Variants in COL23A1 observed in about 807,000 individuals in gnomAD.
COL23A1 encodes the protein collagen type XXIII alpha 1 chain, also known as collagen alpha-1(XXIII) chain.
A neutral mutation model predicts 99.3 loss-of-function variants in COL23A1; 97 were observed. That is an observed-to-expected ratio of 0.98 (90% confidence interval 0.83 to 1.16). COL23A1 has a LOEUF of 1.16. Ranked by LOEUF, COL23A1 falls within the 50% of genes most tolerant of loss-of-function variation. The probability of loss-of-function intolerance (pLI) is 0.00; values close to 1 mark genes in which losing one functional copy is unlikely to be tolerated. For missense variants in COL23A1, 762 were observed against 757.4 expected (o/e 1.01, Z -0.07); for synonymous variants, 320 against 308.2 (o/e 1.04, Z -0.40).
chr5:178,429,045 C>A (rs994854575), intron 2 of COL23A1, among the ~76,000 whole-genome samples: 3 of 152,152 alleles, frequency 2.0e-5, no homozygotes, highest in African/African-American at 7.2e-5. Context: ...CTGGGGCACG[C>A]GACTGCTCTG....
rs879462153 is a variant in COL23A1, at chr5:178,308,675, A to G, written c.362-1756T>C. ...CACGTGCTTGTCCCACCAGCATCTC[A>G]GACCAGTTGTGGCCCAAACACCTGC... On this transcript the variant is annotated intron_variant, in intron 2 of 28. Transcript: ENST00000390654. The surrounding 1 kb of genome is among the most constrained non-coding windows in gnomAD (Gnocchi z 5.1). 1.3e-5 allele frequency among the ~76,000 whole-genome samples: 2 copies of G among 152,192 alleles called. No individual in the cohort carries two copies. Among genetic ancestry groups the G allele is most frequent in the Admixed American group, 1.3e-4 (2 of 15,274 alleles).
intron 2 of COL23A1, among the ~76,000 whole-genome samples, chr5:178,447,218 C>T (rs6874268): frequency 0.027 from 4,125 of 151,922 alleles, 175 homozygotes; most frequent in African/African-American, 0.091. Context: ...CTCAGCCTCC[C>T]GAGTAGCTGG....
At chr5:178,425,879 C>T (rs1293625459) in intron 2 of COL23A1, among the ~76,000 whole-genome samples, 1 of 152,250 alleles carries the variant, frequency 6.6e-6, no homozygotes, top group African/African-American at 2.4e-5. Flanking sequence ...GCATCTTCTG[C>T]TACTGCCTGC....
intron 3 of COL23A1, among the ~76,000 whole-genome samples, chr5:178,296,135 C>A (rs561243899): frequency 6.6e-6 from 1 of 152,354 alleles, no homozygotes; most frequent in African/African-American, 2.4e-5. Flanking sequence ...CTTTTGCTGC[C>A]TTTCCTCACA....
chr5:178,447,450 G>C lies in COL23A1; in HGVS notation c.361+113232C>G, dbSNP rs527824126. Among the ~76,000 whole-genome samples, 3 of 152,314 alleles carry C rather than the reference G, an allele frequency of 2.0e-5. No individual in the cohort carries two copies. The South Asian group carries it at 6.2e-4, about 32-fold the overall frequency. ...CGCATATACGGCAGTGGTCCCTTAA[G>C]ATTATAATACCATATTTTTACTGCA... On this transcript the variant is annotated intron_variant, in intron 2 of 28. Coordinates refer to ENST00000390654, the MANE Select transcript of COL23A1 (RefSeq NM_173465.4).
intron 2 of COL23A1, among the ~76,000 whole-genome samples, chr5:178,495,651 T>C (rs752315217): frequency 6.6e-6 from 1 of 151,414 alleles, no homozygotes; most frequent in Non-Finnish European, 1.5e-5. Flanking sequence ...TGGAAGAAGC[T>C]GGTCAAGGAG....
In COL23A1 at chr5:178,251,338, G is replaced by A. The variant is rs1375698955; in HGVS notation, c.1014+1206C>T. Reference sequence around the variant, plus strand: ...GCCCGGCCGCAAGATAATTAAATAAGAAATTAATAAAATATCTGGTCAGCT... The same window carrying A: ...GCCCGGCCGCAAGATAATTAAATAAAAAATTAATAAAATATCTGGTCAGCT... On this transcript the variant is annotated intron_variant, in intron 17 of 28. Transcript: ENST00000390654. 2.0e-5 allele frequency among the ~76,000 whole-genome samples: 3 copies of A among 151,798 alleles called. No homozygotes were observed. In the East Asian group the frequency reaches 5.8e-4, roughly 29 times the overall value.
At chr5:178,372,445 G>T (rs547718636) in intron 2 of COL23A1, among the ~76,000 whole-genome samples, 1 of 152,206 alleles carries the variant, frequency 6.6e-6, no homozygotes, top group African/African-American at 2.4e-5. Flanking sequence ...AAGGACAGAC[G>T]ATGCCAAAGG....
At chr5:178,358,731 GTA>G (rs765190653) in intron 2 of COL23A1, among the ~76,000 whole-genome samples, 15,084 of 118,568 alleles carry the variant, frequency 0.13, 917 homozygotes, top group Middle Eastern at 0.27. Context: ...GTGTATGTGT[GTA>G]TGTGTATCTG....
chr5:178,420,741 A>G (rs2127796969), intron 2 of COL23A1, among the ~76,000 whole-genome samples: 1 of 140,212 alleles, frequency 7.1e-6, no homozygotes, highest in Admixed American at 7.2e-5. Flanking sequence ...CTACAGCACA[A>G]GGGGAATGTG....
intron 2 of COL23A1, among the ~76,000 whole-genome samples, chr5:178,403,115 A>AT (rs1241513841): frequency 7.5e-6 from 1 of 133,106 alleles, no homozygotes; most frequent in African/African-American, 3.3e-5. Flanking sequence ...TCTCAAAAAA[A>AT]AAAAAAATAA....
In COL23A1 at chr5:178,313,880, C is replaced by T. The variant is rs1373879043; in HGVS notation, c.362-6961G>A. Reference sequence around the variant, plus strand: ...AGCGAGGTCCCTGGAAAAGAGCTTCCGAGACCAGATCATTAAAACATCTCC... The same window carrying T: ...AGCGAGGTCCCTGGAAAAGAGCTTCTGAGACCAGATCATTAAAACATCTCC... On this transcript the variant is annotated intron_variant, in intron 2 of 28. Transcript: ENST00000390654. This position sits in a 1 kb window ranked among gnomAD's most constrained non-coding sequence, Gnocchi z 4.2. Among the ~76,000 whole-genome samples, 5 of 152,124 alleles carry T rather than the reference C, an allele frequency of 3.3e-5. No individual in the cohort carries two copies. The highest frequency in any genetic ancestry group is 7.4e-5 in the Non-Finnish European group (5 of 68,018).
chr5:178,348,426 TCCCCCA>T (rs969066749), intron 2 of COL23A1, among the ~76,000 whole-genome samples: 2 of 152,056 alleles, frequency 1.3e-5, no homozygotes, highest in Non-Finnish European at 2.9e-5. Context: ...CCATCCTGTC[TCCCCCA>T]CCCCCACCGC....
In COL23A1 at chr5:178,365,856, T is replaced by G. The variant is rs552156744; in HGVS notation, c.362-58937A>C. Among the ~76,000 whole-genome samples the G allele has an allele frequency of 6.6e-6, 1 of 152,112 alleles. No individual in the cohort carries two copies. Among genetic ancestry groups the G allele is most frequent in the Non-Finnish European group, 1.5e-5 (1 of 67,970 alleles). ...GGCTTGTGATGGTCTCCTGGCCACATGGGGAGCTCCTCGAGGGCAAGGCCT... is the reference window on the plus strand; with the variant it reads ...GGCTTGTGATGGTCTCCTGGCCACAGGGGGAGCTCCTCGAGGGCAAGGCCT... On this transcript the variant is annotated intron_variant, in intron 2 of 28. Coordinates refer to ENST00000390654, the MANE Select transcript of COL23A1 (RefSeq NM_173465.4). This position sits in a 1 kb window ranked among gnomAD's most constrained non-coding sequence, Gnocchi z 5.2.
At chr5:178,505,483 T>A (rs1758815727) in intron 2 of COL23A1, among the ~76,000 whole-genome samples, 1 of 152,080 alleles carries the variant, frequency 6.6e-6, no homozygotes, top group African/African-American at 2.4e-5. Flanking sequence ...ACTCCTGACC[T>A]CAGGTGATCC....
chr5:178,249,267 A>C (rs1386940057), intron 18 of COL23A1, 61 bp from the exon 19 acceptor site: 4 of 1,519,124 alleles, frequency 2.6e-6, no homozygotes, highest in Non-Finnish European at 3.7e-6. Flanking sequence ...TTCTCCCCCC[A>C]GCAGGTCCCC....
intron 2 of COL23A1, among the ~76,000 whole-genome samples, chr5:178,558,945 T>G (rs1007026948): frequency 6.6e-6 from 1 of 152,118 alleles, no homozygotes; most frequent in African/African-American, 2.4e-5. Context: ...TGCGCCACCA[T>G]GCCTGGCTAA....
chr5:178,590,298 C>G lies in COL23A1; in HGVS notation c.-101G>C. ...GGGACAGCCCGAGGCACGAGGTCCGCCGGGCGCGGGGGTTAGCCTCCGGGT... is the reference window on the plus strand; with the variant it reads ...GGGACAGCCCGAGGCACGAGGTCCGGCGGGCGCGGGGGTTAGCCTCCGGGT... On this transcript the variant is annotated 5_prime_UTR_variant, in exon 1 of 29. Transcript: ENST00000390654. The surrounding 1 kb of genome is among the most constrained non-coding windows in gnomAD (Gnocchi z 5.7). The G allele has an allele frequency of 9.3e-7, 1 of 1,070,562 alleles. No homozygotes were observed. The highest frequency in any genetic ancestry group is 1.2e-6 in the Non-Finnish European group (1 of 863,366). 66.3% of individuals were successfully genotyped at this position (1,070,562 alleles called of 1,614,324 possible).
In COL23A1 at chr5:178,331,822, C is replaced by T. The variant is rs570537912; in HGVS notation, c.362-24903G>A. On this transcript the variant is annotated intron_variant, in intron 2 of 28. Transcript: ENST00000390654. ...ATTCCACAAAGAGAACAAAGAGTTC[C>T]GAAATAGTGACACAGCTGTCCTGAC... is the stretch of plus-strand genomic sequence containing the variant. 3.3e-5 allele frequency among the ~76,000 whole-genome samples: 5 copies of T among 152,310 alleles called. No individual in the cohort carries two copies. The South Asian group carries it at 6.2e-4, about 19-fold the overall frequency.
Sources: gnomAD v4.1 joint callset for allele counts (sites outside exome capture counted in the v4.1 genomes callset) on GRCh38, gnomAD v4.1.1 for gene constraint, Gnocchi (gnomAD v3.1) non-coding constraint, MANE v1.5 for transcripts, NCBI Gene and HGNC (gene_info 2026-07-23, HGNC 2026-07-21) for gene names.